FBLN1: variants seen among roughly 807,000 people sequenced by gnomAD.
FBLN1 encodes the protein fibulin 1.
A neutral mutation model predicts 89.7 loss-of-function variants in FBLN1; 34 were observed. The observed-to-expected ratio is 0.38, with a 90% CI of 0.29 to 0.50. The LOEUF is 0.50. Ranked by LOEUF, FBLN1 falls within the 20% of genes least tolerant of loss-of-function variation. FBLN1 has a pLI of 0.92. For synonymous variants in FBLN1, 393 were observed against 391.3 expected (o/e 1.00, Z -0.05); for missense variants, 777 against 988.1 (o/e 0.79, Z 2.86).
chr22:45,586,168 G>A (rs1327281325), intron 16 of FBLN1, among the ~76,000 whole-genome samples: 1 of 152,238 alleles, frequency 6.6e-6, no homozygotes, highest in Non-Finnish European at 1.5e-5. Flanking sequence ...AACGTGGACA[G>A]CATTCATTCG....
intron 8 of FBLN1, among the ~76,000 whole-genome samples, chr22:45,540,546 A>G (rs1324540455): frequency 6.6e-6 from 1 of 152,138 alleles, no homozygotes; most frequent in African/African-American, 2.4e-5. Flanking sequence ...AGGTTCTCCA[A>G]GGTGATGTTT....
chr22:45,505,268 C>T lies in FBLN1; in HGVS notation c.79+2204C>T, dbSNP rs192460243. Among the ~76,000 whole-genome samples, 1,489 of 152,302 alleles carry T rather than the reference C, an allele frequency of 9.8e-3. 13 individuals are homozygous for T. Among genetic ancestry groups the T allele is most frequent in the Admixed American group, 0.022 (337 of 15,298 alleles). Reference sequence around the variant, plus strand: ...GGCTTTCTTGGCCTCTGGCTGCAGCCGGGCAGCGTTTCCGACTGATTAAAA... The same window carrying T: ...GGCTTTCTTGGCCTCTGGCTGCAGCTGGGCAGCGTTTCCGACTGATTAAAA... On this transcript the variant is annotated intron_variant, in intron 1 of 16. Transcript: ENST00000327858.
At chr22:45,567,933 G>A (rs1602215082) in intron 14 of FBLN1, among the ~76,000 whole-genome samples, 1 of 152,178 alleles carries the variant, frequency 6.6e-6, no homozygotes, top group South Asian at 2.1e-4. Flanking sequence ...AGGGGCCAGA[G>A]TGTGCACAGA....
rs4415 is a variant in FBLN1 at position 45,576,000 on chromosome 22, G to A, written c.1841-977G>A. Among the ~76,000 whole-genome samples, 58,885 of 151,944 alleles carry A rather than the reference G, an allele frequency of 0.39. 13,253 individuals carry two copies. Among genetic ancestry groups the A allele is most frequent in the Non-Finnish European group, 0.5 (34,184 of 67,924 alleles). On this transcript the variant is annotated intron_variant, in intron 15 of 16. Transcript: ENST00000327858. This position sits in a 1 kb window ranked among gnomAD's most constrained non-coding sequence, Gnocchi z 6.3. ...GGGGAGGCATGCAACGGAGCCAGCCGCGAGGACACCAGTGTTTACACCATG... is the reference window on the plus strand; with the variant it reads ...GGGGAGGCATGCAACGGAGCCAGCCACGAGGACACCAGTGTTTACACCATG...
At chr22:45,526,549 C>T (rs928188450) in intron 3 of FBLN1, among the ~76,000 whole-genome samples, 14 of 33,136 alleles carry the variant, frequency 4.2e-4, no homozygotes, top group Middle Eastern at 0.029. Context: ...AGAAGCTTCC[C>T]GTTCCTTTTA....
In FBLN1 at chr22:45,562,260, C is replaced by T. The variant is rs987936679; in HGVS notation, c.1697+11645C>T. Among the ~76,000 whole-genome samples, 3 of 152,144 alleles carry T rather than the reference C, an allele frequency of 2.0e-5. No individual in the cohort carries two copies. The highest frequency in any genetic ancestry group is 4.8e-5 in the African/African-American group (2 of 41,438). ...CAGATGGGTTACTGAGCTTGGAACACGAGGGCTTAGTGACAAGGAACTGGG... is the reference window on the plus strand; with the variant it reads ...CAGATGGGTTACTGAGCTTGGAACATGAGGGCTTAGTGACAAGGAACTGGG... On this transcript the variant is annotated intron_variant, in intron 14 of 16. Coordinates refer to ENST00000327858, the MANE Select transcript of FBLN1 (RefSeq NM_006486.3). The surrounding 1 kb of genome is among the most constrained non-coding windows in gnomAD (Gnocchi z 7.8).
chr22:45,578,780 C>G lies in FBLN1; in HGVS notation c.1972+1672C>G, dbSNP rs2089019688. Among the ~76,000 whole-genome samples, 1 of 152,224 alleles carries G rather than the reference C, an allele frequency of 6.6e-6. No individual in the cohort carries two copies. On this transcript the variant is annotated intron_variant, in intron 16 of 16. Transcript: ENST00000327858. This position sits in a 1 kb window ranked among gnomAD's most constrained non-coding sequence, Gnocchi z 4.6. Reference sequence around the variant, plus strand: ...CTCAGGTGATTTCTAGATCTTGGAACATGGGAGTTTGGAATCCTAGGACCT... The same window carrying G: ...CTCAGGTGATTTCTAGATCTTGGAAGATGGGAGTTTGGAATCCTAGGACCT...
At chr22:45,505,342 G>C (rs962720021) in intron 1 of FBLN1, among the ~76,000 whole-genome samples, 3 of 152,372 alleles carry the variant, frequency 2.0e-5, no homozygotes, top group Admixed American at 6.5e-5. Flanking sequence ...GCTTGAAAAC[G>C]TGTGGTCTGT....
chr22:45,547,954 C>T (rs867790914), intron 12 of FBLN1, among the ~76,000 whole-genome samples: 1 of 152,070 alleles, frequency 6.6e-6, no homozygotes, highest in African/African-American at 2.4e-5. Flanking sequence ...TCAGCCTCAC[C>T]AGATCATTGG....
intron 1 of FBLN1, among the ~76,000 whole-genome samples, chr22:45,516,939 G>A (rs570801833): frequency 6.6e-6 from 1 of 152,342 alleles, no homozygotes; most frequent in African/African-American, 2.4e-5. Context: ...GCTCATTCGT[G>A]CACTGACCTT....
intron 2 of FBLN1, chr22:45,523,170 G>T: frequency 1.3e-6 from 1 of 778,800 alleles, no homozygotes; most frequent in Non-Finnish European, 2.4e-6. Flanking sequence ...ATCCCAGGCC[G>T]AGGGAACAGC....
At chr22:45,525,127 A>T (rs2097522) in intron 2 of FBLN1, among the ~76,000 whole-genome samples, 13 of 150,660 alleles carry the variant, frequency 8.6e-5, no homozygotes, top group Non-Finnish European at 1.6e-4. Context: ...GAGAGAAAGA[A>T]AAACAGAGAG....
intron 1 of FBLN1, among the ~76,000 whole-genome samples, chr22:45,512,214 A>G (rs1429838700): frequency 6.6e-6 from 1 of 151,946 alleles, no homozygotes; most frequent in African/African-American, 2.4e-5. Context: ...GTTGGCCCAC[A>G]TTATCCTCCT....
rs770340922 is a variant in FBLN1 at position 45,574,671 on chromosome 22, G to T, written c.1840+18G>T. Reference sequence around the variant, plus strand: ...CCCTGAAGGTGAGTGGGATGGGTGTGGGGGTCCCAGGGCCCCCTAGGGCCT... The same window carrying T: ...CCCTGAAGGTGAGTGGGATGGGTGTTGGGGTCCCAGGGCCCCCTAGGGCCT... On this transcript the variant is annotated intron_variant, in intron 15 of 16. Transcript: ENST00000327858. The surrounding 1 kb of genome is among the most constrained non-coding windows in gnomAD (Gnocchi z 4.1). 1 of 1,610,620 alleles carries T rather than the reference G, an allele frequency of 6.2e-7. No homozygotes were observed. The highest frequency in any genetic ancestry group is 1.7e-5 in the Admixed American group (1 of 59,848).
At chr22:45,508,607 G>T (rs573307084) in intron 1 of FBLN1, among the ~76,000 whole-genome samples, 5 of 152,274 alleles carry the variant, frequency 3.3e-5, no homozygotes, top group Admixed American at 2.0e-4. Flanking sequence ...TCTAGTTCAG[G>T]GGGGGATGCC....
chr22:45,506,594 T>A (rs1280850201), intron 1 of FBLN1, among the ~76,000 whole-genome samples: 1 of 152,190 alleles, frequency 6.6e-6, no homozygotes, highest in Non-Finnish European at 1.5e-5. Flanking sequence ...TGGCTAAGTC[T>A]GTGGGTAGGG....
rs147445431 is a variant in FBLN1 at position 45,589,138 on chromosome 22, A to G, written c.1973-11169A>G. Reference sequence around the variant, plus strand: ...ATTTTTATATATATAAAAAATATGTAAAAATATATTTTTTATATATAACTT... The same window carrying G: ...ATTTTTATATATATAAAAAATATGTGAAAATATATTTTTTATATATAACTT... On this transcript the variant is annotated intron_variant, in intron 16 of 16. Coordinates refer to ENST00000327858, the MANE Select transcript of FBLN1 (RefSeq NM_006486.3). 3.5e-4 allele frequency among the ~76,000 whole-genome samples: 52 copies of G among 149,184 alleles called. 3 individuals are homozygous for G. The East Asian group carries it at 0.01, about 29-fold the overall frequency.
Position 45,581,274 on chromosome 22 carries a change from C to T in FBLN1, c.1972+4166C>T, listed in dbSNP as rs972346883. Among the ~76,000 whole-genome samples the T allele has an allele frequency of 2.6e-5, 4 of 152,170 alleles. No individual in the cohort carries two copies. Among genetic ancestry groups the T allele is most frequent in the Admixed American group, 6.5e-5 (1 of 15,294 alleles). ...CTGCTGTCTGAGCCTCAGACTTCCCCTCCAGCCTCCAGATCACCACTTCCT... is the reference window on the plus strand; with the variant it reads ...CTGCTGTCTGAGCCTCAGACTTCCCTTCCAGCCTCCAGATCACCACTTCCT... On this transcript the variant is annotated intron_variant, in intron 16 of 16. Transcript: ENST00000327858. The surrounding 1 kb of genome is among the most constrained non-coding windows in gnomAD (Gnocchi z 7.6).
At chr22:45,569,955 A>G (rs1423193393) in intron 14 of FBLN1, among the ~76,000 whole-genome samples, 1 of 152,230 alleles carries the variant, frequency 6.6e-6, no homozygotes, top group Non-Finnish European at 1.5e-5. Flanking sequence ...AGCACACCAG[A>G]AAGACGTGCC....
Sources: allele counts gnomAD v4.1 joint callset (sites outside exome capture counted in the v4.1 genomes callset), GRCh38; gene constraint gnomAD v4.1.1; non-coding constraint Gnocchi (gnomAD v3.1); transcripts MANE v1.5; gene names NCBI Gene and HGNC (gene_info 2026-07-23, HGNC 2026-07-21).